The following MYH7B variants were observed in gnomAD, a reference collection of about 807,000 sequenced individuals.
MYH7B encodes the protein myosin heavy chain 7B.
Under a neutral mutation model 234.5 loss-of-function variants are expected in MYH7B, and 205 were observed. That is an observed-to-expected ratio of 0.87 (90% CI 0.78 to 0.98). The LOEUF is 0.98. MYH7B is among the 50% of genes least tolerant of loss of function. MYH7B has a pLI of 0.00. For synonymous variants in MYH7B, 1,193 were observed against 1,105.0 expected, an observed-to-expected ratio of 1.08 and a Z score of -1.58; for missense variants, 2,652 against 2,633.4, an observed-to-expected ratio of 1.01 and a Z score of -0.15.
chr20:35,001,189 G>A (rs2082371396), intron 41 of MYH7B, 31 bp downstream of exon 41: 2 of 1,608,314 alleles, frequency 1.2e-6, no homozygotes, highest in Non-Finnish European at 1.7e-6. Flanking sequence ...CCTTGGCGCA[G>A]GCAGGGTGGG....
At chr20:34,990,586 A>G in intron 22 of MYH7B, 152 bp from the exon 23 acceptor site, 2 of 769,258 alleles carry the variant, frequency 2.6e-6, no homozygotes, top group Admixed American at 2.0e-5. Flanking sequence ...GATGGGAGAC[A>G]GCGAAGGGTC....
chr20:34,972,284 C>T (rs1354499215), intron 2 of MYH7B, among the ~76,000 whole-genome samples: 3 of 152,054 alleles, frequency 2.0e-5, no homozygotes, highest in African/African-American at 7.2e-5. Flanking sequence ...TAGGACGGCA[C>T]CTTAAACATC....
At chr20:34,987,822 C>T in exon 18 of MYH7B, 1 of 1,614,030 alleles carries the variant, frequency 6.2e-7, no homozygotes, top group Non-Finnish European at 8.5e-7. Context: ...GTTCAGGTGG[C>T]TGGTGTCTCG....
At chr20:34,996,747 G>A (rs1569058366) in exon 30 of MYH7B, 8 of 1,611,376 alleles carry the variant, frequency 5.0e-6, no homozygotes, top group Non-Finnish European at 6.8e-6. Context: ...AGCTGGAGGA[G>A]AAGCTCAAGA....
At position 34,988,050 on chromosome 20, in the gene MYH7B, ATCTGCGAGAGG is replaced by A. The variant is rs755433721; in HGVS notation, c.1417-36_1417-26del. The A allele has an allele frequency of 3.1e-6, 5 of 1,591,374 alleles. No individual in the cohort carries two copies. In the Admixed American group the frequency reaches 6.8e-5, roughly 22 times the overall value. On this transcript the variant is annotated intron_variant, in intron 18 of 44. Transcript: ENST00000262873. ...CCCCTCCCCGGGCCTCCCTTTCCCC[ATCTGCGAGAGG>A]TCTGCTGAGCCAGGCCCCTCCCTCT...
intron 18 of MYH7B, 25 bp from the exon 19 acceptor site, chr20:34,988,067 T>C (rs558638848): frequency 1.2e-6 from 2 of 1,601,706 alleles, no homozygotes; most frequent in African/African-American, 2.7e-5. Context: ...AGAGGTCTGC[T>C]GAGCCAGGCC....
chr20:34,993,599 TTC>T, intron 26 of MYH7B, 129 bp downstream of exon 26: 1 of 1,089,086 alleles, frequency 9.2e-7, no homozygotes, highest in Non-Finnish European at 1.3e-6. Flanking sequence ...TGGGGCAAGG[TTC>T]TGTTCTGTGT....
chr20:34,987,662 A>G (rs746430627), exon 17 of MYH7B: 2 of 1,613,278 alleles, frequency 1.2e-6, no homozygotes. Flanking sequence ...ACCAAGGGCC[A>G]GAGTGTGGAG....
In MYH7B at chr20:34,997,432, G is replaced by A. The variant is rs1254396070; in HGVS notation, c.3539G>A (p.Arg1180Lys). 2 of 1,471,300 alleles carry A rather than the reference G, an allele frequency of 1.4e-6. No individual in the cohort carries two copies. Among genetic ancestry groups the A allele is most frequent in the South Asian group, 1.4e-5 (1 of 72,932 alleles). The allele number at this position is 1,471,300 out of a possible 1,614,324, so 91.1% of individuals were successfully genotyped here. The change falls in exon 32 of 45, where the codon AGG (arginine) becomes AAG (lysine). Residue 1180 changes from arginine (R) to lysine (K), a missense_variant. Arg to Lys is a conservative substitution (Grantham distance 26, BLOSUM62 2). Around this residue, in one of 3 missense-constraint regions of MYH7B, gnomAD observed 2,279 missense variants for 2,211.4 expected, o/e 1.03. Transcript: ENST00000262873. ...CGCAAGCGGGAGGCGGAGCTGGGGA[G>A]GCTGCGGCGGGAGCTGGAGGAGGCG...
rs1330749963 is a variant in MYH7B, at chr20:34,997,307, C to T, written c.3414C>T (p.Arg1138=). The T allele has an allele frequency of 5.8e-6, 9 of 1,552,984 alleles. No individual in the cohort carries two copies. In the South Asian group the frequency reaches 8.3e-5, roughly 14 times the overall value. The stretch of plus-strand genomic sequence containing the variant: ...AGGCAGAGCGGGCAGCCCGGGCCCG[C>T]GTGGAGAAGCAGCGTGCAGAGGCGG... The change falls in exon 32 of 45, where the codon CGC becomes CGT. Residue 1138 remains arginine, a synonymous_variant. Coordinates refer to ENST00000262873, the Ensembl canonical transcript of MYH7B.
intron 1 of MYH7B, among the ~76,000 whole-genome samples, chr20:34,957,423 G>A (rs2081650318): frequency 6.6e-6 from 1 of 151,806 alleles, no homozygotes; most frequent in Non-Finnish European, 1.5e-5. Flanking sequence ...AAATTTAGGA[G>A]TGAGAACTCC....
At chr20:34,969,230 C>T (rs1266708260) in intron 2 of MYH7B, among the ~76,000 whole-genome samples, 1 of 152,212 alleles carries the variant, frequency 6.6e-6, no homozygotes, top group African/African-American at 2.4e-5. Context: ...AGCCCTCACC[C>T]AGGCCCCTCA....
At chr20:34,986,909 C>T in exon 15 of MYH7B, 1 of 1,614,108 alleles carries the variant, frequency 6.2e-7, no homozygotes, top group Non-Finnish European at 8.5e-7. Context: ...GTCTATGAAC[C>T]CCTATGACTA....
At chr20:34,971,497 T>C (rs2081793702) in intron 2 of MYH7B, among the ~76,000 whole-genome samples, 1 of 152,092 alleles carries the variant, frequency 6.6e-6, no homozygotes. Flanking sequence ...TATTTTTTGC[T>C]TCAAGCCTCA....
At chr20:35,000,722 T>C in intron 39 of MYH7B, 33 bp downstream of exon 39, 5 of 1,604,698 alleles carry the variant, frequency 3.1e-6, no homozygotes, top group Non-Finnish European at 4.3e-6. Flanking sequence ...ACAGAGCAGG[T>C]GCAGGCCTGC....
intron 13 of MYH7B, among the ~76,000 whole-genome samples, chr20:34,985,720 C>T (rs1395550204): frequency 1.3e-5 from 2 of 152,116 alleles, no homozygotes; most frequent in Non-Finnish European, 2.9e-5. Flanking sequence ...CAGGCAGTGA[C>T]GGGGACAGGG....
chr20:34,976,530 G>GT, intron 3 of MYH7B, among the ~76,000 whole-genome samples: 1 of 152,350 alleles, frequency 6.6e-6, no homozygotes, highest in Admixed American at 6.5e-5. Context: ...TCCAAAGACT[G>GT]TATCAGGCAG....
At chr20:34,969,138 G>A (rs1372107206) in intron 2 of MYH7B, among the ~76,000 whole-genome samples, 1 of 152,130 alleles carries the variant, frequency 6.6e-6, no homozygotes, top group Non-Finnish European at 1.5e-5. Context: ...CCACTGGACT[G>A]GAGGAAAGAG....
intron 27 of MYH7B, among the ~76,000 whole-genome samples, chr20:34,994,767 G>A (rs530874705): frequency 7.9e-5 from 12 of 152,368 alleles, no homozygotes; most frequent in African/African-American, 2.9e-4. Context: ...TCAAAGGTCT[G>A]GAATCTCCCC....
Sources: allele counts gnomAD v4.1 joint callset (sites outside exome capture counted in the v4.1 genomes callset), GRCh38; gene constraint gnomAD v4.1.1; regional missense constraint gnomAD v4.1.1; transcripts MANE v1.5; gene names NCBI Gene and HGNC (gene_info 2026-07-23, HGNC 2026-07-21).